The following CMAS variants were observed in gnomAD, a reference collection of about 807,000 sequenced individuals.
CMAS encodes the protein cytidine monophosphate N-acetylneuraminic acid synthetase, also known as N-acylneuraminate cytidylyltransferase.
Under a neutral mutation model 53.4 loss-of-function variants are expected in CMAS, and 21 were observed. That is an observed-to-expected ratio of 0.39 (90% CI 0.28 to 0.57). The LOEUF (loss-of-function observed/expected upper bound fraction) is 0.57. CMAS is among the 20% of genes least tolerant of loss of function. The pLI, the probability that CMAS is intolerant of heterozygous loss-of-function variation, is 0.56. For synonymous variants in CMAS, 189 were observed against 195.2 expected (o/e 0.97, Z 0.27); for missense variants, 384 against 534.9 (o/e 0.72, Z 2.78).
At chr12:22,053,474 A>T (rs553309891) in intron 1 of CMAS, among the ~76,000 whole-genome samples, 253 of 149,830 alleles carry the variant, frequency 1.7e-3, no homozygotes, top group Middle Eastern at 3.5e-3. Flanking sequence ...TAATGTGTAT[A>T]TATGTTTGTG....
At chr12:22,063,849 C>T (rs1950325660) in intron 7 of CMAS, 1 of 151,756 alleles carries the variant, frequency 6.6e-6, no homozygotes, top group African/African-American at 2.4e-5. Flanking sequence ...AATCCCACCA[C>T]TTTGGGAAGC....
rs965722943 is a variant in CMAS at position 22,061,324 on chromosome 12, T to G, written c.832T>G (p.Leu278Val). The change falls in exon 6 of 8, where the codon TTG (leucine) becomes GTG (valine). Residue 278 changes from leucine (L) to valine (V), a missense_variant. This residue lies in a region of CMAS where 139 missense variants were observed against 248.0 expected (regional missense o/e 0.56). Transcript: ENST00000229329. ...AGAGAAGCTTAAGGAAATAAAACTT[T>G]TGGTTTGCAATATTGATGGATGTCT... ...GKEKLKEIKL[L>V]VCNIDGCLTN... The G allele has an allele frequency of 1.9e-6, 3 of 1,611,898 alleles. No individual in the cohort carries two copies. The highest frequency in any genetic ancestry group is 2.7e-5 in the African/African-American group (2 of 74,820).
At chr12:22,056,145 T>G (rs1950266722) in intron 3 of CMAS, among the ~76,000 whole-genome samples, 1 of 152,186 alleles carries the variant, frequency 6.6e-6, no homozygotes, top group African/African-American at 2.4e-5. Context: ...TAATGTACAT[T>G]TTAGTTGTTT....
At chr12:22,049,511 A>T (rs981034908) in intron 1 of CMAS, among the ~76,000 whole-genome samples, 2 of 152,216 alleles carry the variant, frequency 1.3e-5, no homozygotes, top group Non-Finnish European at 2.9e-5. Context: ...TGTACCAAGT[A>T]GTTTTATTTA....
chr12:22,060,653 C>A, intron 4 of CMAS, 179 bp from the exon 5 acceptor site: 1 of 464,582 alleles, frequency 2.2e-6, no homozygotes, highest in Non-Finnish European at 3.9e-6. Flanking sequence ...AACCCTGACT[C>A]GAAAAAATAA....
chr12:22,046,579 A>T lies in CMAS; in HGVS notation c.260+16A>T, dbSNP rs1014548857. On this transcript the variant is annotated intron_variant, in intron 1 of 7. Coordinates refer to ENST00000229329, the MANE Select transcript of CMAS (RefSeq NM_018686.6). Reference sequence around the variant, plus strand: ...CCTTCCAGAGGTGCGCATGTGCGAGAGTGGGCGGCGCGGCCTGGGCGGGGG... The same window carrying T: ...CCTTCCAGAGGTGCGCATGTGCGAGTGTGGGCGGCGCGGCCTGGGCGGGGG... The T allele has an allele frequency of 6.6e-7, 1 of 1,518,420 alleles. No homozygotes were observed. Among genetic ancestry groups the T allele is most frequent in the African/African-American group, 1.4e-5 (1 of 70,118 alleles). 94.1% of individuals were successfully genotyped at this position (1,518,420 alleles called of 1,614,324 possible). A position where few individuals can be genotyped will look rare whatever the true frequency, so the allele number is the denominator to read the frequency against.
chr12:22,046,221 C>T lies in CMAS; in HGVS notation c.-83C>T, dbSNP rs1315284135. The T allele has an allele frequency of 1.6e-4, 208 of 1,313,114 alleles. No homozygotes were observed. The highest frequency in any genetic ancestry group is 2.0e-4 in the Non-Finnish European group (203 of 1,009,546). 81.3% of individuals were successfully genotyped at this position (1,313,114 alleles called of 1,614,324 possible). On this transcript the variant is annotated 5_prime_UTR_variant, in exon 1 of 8. Transcript: ENST00000229329. The stretch of plus-strand genomic sequence containing the variant: ...ACGGCCGCGCGCGCCAGCTGCCAGG[C>T]GGGGATCGGGCGGCGCCGAGCTGAG...
At chr12:22,054,347 C>A (rs1950254900) in intron 1 of CMAS, among the ~76,000 whole-genome samples, 1 of 152,186 alleles carries the variant, frequency 6.6e-6, no homozygotes, top group Admixed American at 6.5e-5. Context: ...ATTTTGCCTA[C>A]TCATCATTTT....
rs1384397474 is a variant in CMAS at position 22,057,236 on chromosome 12, CACAT to C, written c.560-1327_560-1324del. 4.4e-3 allele frequency among the ~76,000 whole-genome samples: 546 copies of C among 123,800 alleles called. 1 individual carries two copies. The highest frequency in any genetic ancestry group is 0.011 in the African/African-American group (359 of 32,070). 81.2% of individuals were successfully genotyped at this position (123,800 alleles called of 152,430 possible). On this transcript the variant is annotated intron_variant, in intron 3 of 7. Transcript: ENST00000229329. ...AGAGTAACCAGCTATTACACACACACACATACACACACACACACACACACACACA... is the reference window on the plus strand; with the variant it reads ...AGAGTAACCAGCTATTACACACACACACACACACACACACACACACACACA...
intron 4 of CMAS, 104 bp from the exon 5 acceptor site, chr12:22,060,728 C>G: frequency 1.5e-6 from 1 of 658,140 alleles, no homozygotes; most frequent in Non-Finnish European, 2.7e-6. Flanking sequence ...ATTCATTTTT[C>G]TCAGTACTGT....
chr12:22,057,989 G>A (rs964069148), intron 3 of CMAS, among the ~76,000 whole-genome samples: 2 of 151,190 alleles, frequency 1.3e-5, no homozygotes, highest in African/African-American at 2.4e-5. Flanking sequence ...CACCATGCCC[G>A]GCTAAATTTG....
Position 22,055,422 on chromosome 12 carries a change from A to G in CMAS, c.404-33A>G. ...CTTGCTTGCAAGGAACTTTTTTTTT[A>G]AATATCCTTTTCATTTCTCTTGTCT... On this transcript the variant is annotated intron_variant, in intron 2 of 7. Coordinates refer to ENST00000229329, the MANE Select transcript of CMAS (RefSeq NM_018686.6). 3 of 1,537,466 alleles carry G rather than the reference A, an allele frequency of 2.0e-6. No homozygotes were observed. The South Asian group carries it at 3.7e-5, about 19-fold the overall frequency.
chr12:22,065,332 A>G lies in CMAS; in HGVS notation c.*21A>G. On this transcript the variant is annotated 3_prime_UTR_variant, in exon 8 of 8. Coordinates refer to ENST00000229329, the MANE Select transcript of CMAS (RefSeq NM_018686.6). Reference sequence around the variant, plus strand: ...AATAGAAATTAGCGTAATATTGAGAAAAAAATGATACAGCCTTCTTCAGCC... The same window carrying G: ...AATAGAAATTAGCGTAATATTGAGAGAAAAATGATACAGCCTTCTTCAGCC... 6.3e-7 allele frequency: 1 copy of G among 1,575,586 alleles called. No homozygotes were observed. The highest frequency in any genetic ancestry group is 8.7e-7 in the Non-Finnish European group (1 of 1,148,360).
intron 7 of CMAS, among the ~76,000 whole-genome samples, chr12:22,064,432 A>ATT (rs559243255): frequency 2.0e-4 from 30 of 152,146 alleles, no homozygotes; most frequent in South Asian, 1.2e-3. Flanking sequence ...GATTTAAGAG[A>ATT]TTATATATAT....
intron 7 of CMAS, among the ~76,000 whole-genome samples, chr12:22,064,618 T>G (rs1950332583): frequency 1.3e-5 from 2 of 152,174 alleles, no homozygotes; most frequent in Non-Finnish European, 2.9e-5. Context: ...TAAAAAATTA[T>G]ATTTATCAGA....
intron 1 of CMAS, among the ~76,000 whole-genome samples, chr12:22,047,239 C>G (rs1206235156): frequency 6.6e-6 from 1 of 152,094 alleles, no homozygotes; most frequent in Non-Finnish European, 1.5e-5. Context: ...TGGAACCTCG[C>G]CTGCCCTATG....
intron 1 of CMAS, among the ~76,000 whole-genome samples, chr12:22,054,695 T>C (rs1950256752): frequency 6.6e-6 from 1 of 152,108 alleles, no homozygotes; most frequent in Non-Finnish European, 1.5e-5. Context: ...AGCAAGATCT[T>C]TAATTTTCTT....
chr12:22,052,642 C>T (rs1203576487), intron 1 of CMAS, among the ~76,000 whole-genome samples: 1 of 152,090 alleles, frequency 6.6e-6, no homozygotes, highest in African/African-American at 2.4e-5. Context: ...TTTAAAAATG[C>T]ACTAGGTTTT....
chr12:22,063,846 C>A (rs1174672152), intron 7 of CMAS: 1 of 151,758 alleles, frequency 6.6e-6, no homozygotes, highest in African/African-American at 2.4e-5. Context: ...TACAATCCCA[C>A]CACTTTGGGA....
Sources: allele counts gnomAD v4.1 joint callset (sites outside exome capture counted in the v4.1 genomes callset), GRCh38; gene constraint gnomAD v4.1.1; regional missense constraint gnomAD v4.1.1; transcripts MANE v1.5; gene names NCBI Gene and HGNC (gene_info 2026-07-23, HGNC 2026-07-21).